THSD4: variants seen among roughly 807,000 people sequenced by gnomAD.
THSD4 encodes thrombospondin type 1 domain containing 4.
Under a neutral mutation model 119.0 loss-of-function variants are expected in THSD4, and 69 were observed. The ratio of observed to expected loss-of-function variants is 0.58; its 90% CI spans 0.48 to 0.71. THSD4 has a LOEUF of 0.71. THSD4 is among the 30% of genes least tolerant of loss of function. THSD4 has a pLI of 0.00. For missense variants in THSD4, 1,393 were observed against 1,391.1 expected (o/e 1.00, Z -0.02); for synonymous variants, 524 against 540.4 (o/e 0.97, Z 0.42).
At chr15:71,530,348 T>C (rs2048589338) in intron 7 of THSD4, among the ~76,000 whole-genome samples, 1 of 152,078 alleles carries the variant, frequency 6.6e-6, no homozygotes, top group African/African-American at 2.4e-5. Flanking sequence ...GCCACACTTC[T>C]TGCCAGCTCA....
chr15:71,327,508 G>A (rs550578466), intron 6 of THSD4, among the ~76,000 whole-genome samples: 8 of 152,040 alleles, frequency 5.3e-5, no homozygotes, highest in Non-Finnish European at 8.8e-5. Flanking sequence ...TATTTATTTT[G>A]TCTATGAAAG....
chr15:71,572,552 G>A (rs1392861672), intron 7 of THSD4, among the ~76,000 whole-genome samples: 1 of 152,134 alleles, frequency 6.6e-6, no homozygotes, highest in Non-Finnish European at 1.5e-5. Context: ...TGCCCTCAGG[G>A]AGAGGGGTGG....
At chr15:71,504,609 T>C (rs934385245) in intron 7 of THSD4, among the ~76,000 whole-genome samples, 1 of 152,226 alleles carries the variant, frequency 6.6e-6, no homozygotes, top group Admixed American at 6.5e-5. Flanking sequence ...ATTAACCTTT[T>C]TATTTTGGAG....
At chr15:71,265,612 C>T (rs1040944358) in intron 6 of THSD4, among the ~76,000 whole-genome samples, 1 of 152,022 alleles carries the variant, frequency 6.6e-6, no homozygotes, top group African/African-American at 2.4e-5. Context: ...CAAAACTGTT[C>T]ACTCCCCTGG....
chr15:71,396,039 C>G (rs2046450541), intron 6 of THSD4, among the ~76,000 whole-genome samples: 1 of 151,672 alleles, frequency 6.6e-6, no homozygotes, highest in East Asian at 1.9e-4. Flanking sequence ...CCAGCCTTTT[C>G]CACCTGATGA....
chr15:71,694,027 G>T (rs971711537), intron 8 of THSD4, among the ~76,000 whole-genome samples: 3 of 145,814 alleles, frequency 2.1e-5, no homozygotes, highest in African/African-American at 7.9e-5. Flanking sequence ...AAAAAAAAAA[G>T]AAAGAAAGAA....
chr15:71,331,233 C>T (rs1454825806), intron 6 of THSD4, among the ~76,000 whole-genome samples: 1 of 152,178 alleles, frequency 6.6e-6, no homozygotes, highest in African/African-American at 2.4e-5. Flanking sequence ...TGCCCTTCCT[C>T]GTACTTCTTC....
intron 8 of THSD4, among the ~76,000 whole-genome samples, chr15:71,679,456 T>G (rs2051726188): frequency 6.6e-6 from 1 of 152,198 alleles, no homozygotes; most frequent in South Asian, 2.1e-4. Flanking sequence ...AAATACGATA[T>G]ACCAAAAAAG....
At chr15:71,622,492 C>G (rs1211804313) in intron 7 of THSD4, among the ~76,000 whole-genome samples, 7 of 152,214 alleles carry the variant, frequency 4.6e-5, no homozygotes, top group Admixed American at 4.6e-4. Context: ...AGCCAGTTGA[C>G]TCCTTTTTGA....
intron 1 of THSD4, among the ~76,000 whole-genome samples, chr15:71,140,949 A>G (rs2040597207): frequency 6.6e-6 from 1 of 152,250 alleles, no homozygotes; most frequent in Admixed American, 6.5e-5. Flanking sequence ...GGAATCATAT[A>G]ATGCATGCTA....
At chr15:71,550,698 C>T (rs372496837) in intron 7 of THSD4, among the ~76,000 whole-genome samples, 2 of 152,140 alleles carry the variant, frequency 1.3e-5, no homozygotes, top group African/African-American at 4.8e-5. Context: ...CCTCAGCCTC[C>T]CAAAGTGCTG....
At chr15:71,605,523 G>A (rs2050092412) in intron 7 of THSD4, among the ~76,000 whole-genome samples, 1 of 152,224 alleles carries the variant, frequency 6.6e-6, no homozygotes, top group Non-Finnish European at 1.5e-5. Flanking sequence ...CCCAAGTGAG[G>A]GGGAAGATGG....
At chr15:71,358,412 G>A (rs548406694) in intron 6 of THSD4, among the ~76,000 whole-genome samples, 65 of 152,304 alleles carry the variant, frequency 4.3e-4, no homozygotes, top group African/African-American at 1.5e-3. Flanking sequence ...GCAGCCATCC[G>A]ACAGAAATCC....
intron 8 of THSD4, among the ~76,000 whole-genome samples, chr15:71,714,058 A>AT (rs11379083): frequency 0.98 from 148,658 of 152,214 alleles, 72,688 homozygotes; most frequent in East Asian, 1. Flanking sequence ...TGGACAAAGT[A>AT]CAGGTTGGTG....
At chr15:71,262,267 C>T (rs2044409621) in intron 6 of THSD4, among the ~76,000 whole-genome samples, 1 of 152,106 alleles carries the variant, frequency 6.6e-6, no homozygotes, top group African/African-American at 2.4e-5. Context: ...AGGAATTTTT[C>T]TCATAGCCTG....
At chr15:71,620,795 T>C (rs1402320694) in intron 7 of THSD4, among the ~76,000 whole-genome samples, 2 of 152,114 alleles carry the variant, frequency 1.3e-5, no homozygotes, top group African/African-American at 2.4e-5. Flanking sequence ...ATTGCTCTGG[T>C]GACCACTCTT....
intron 7 of THSD4, among the ~76,000 whole-genome samples, chr15:71,508,231 T>TA (rs199710432): frequency 0.014 from 2,117 of 152,314 alleles, 18 homozygotes; most frequent in Middle Eastern, 0.051. Flanking sequence ...GGCTTTGTTT[T>TA]GCCCTGGGTT....
chr15:71,173,589 C>T (rs2043406398), intron 3 of THSD4, among the ~76,000 whole-genome samples: 1 of 139,578 alleles, frequency 7.2e-6, no homozygotes, highest in East Asian at 2.1e-4. Context: ...TATATATATA[C>T]ATTTTTATAT....
chr15:71,527,708 C>CT (rs10635101), intron 7 of THSD4, among the ~76,000 whole-genome samples: 7,542 of 79,190 alleles, frequency 0.095, 851 homozygotes, highest in East Asian at 0.4. Flanking sequence ...TGTTTATCCT[C>CT]TTTTTTTTTT....
Sources: allele counts gnomAD v4.1 joint callset (sites outside exome capture counted in the v4.1 genomes callset), GRCh38; gene constraint gnomAD v4.1.1; transcripts MANE v1.5; gene names NCBI Gene and HGNC (gene_info 2026-07-23, HGNC 2026-07-21).